ASIC2: variants seen among roughly 807,000 people sequenced by gnomAD.
ASIC2 encodes the protein acid sensing ion channel subunit 2.
A neutral mutation model predicts 57.3 loss-of-function variants in ASIC2; 25 were observed. The observed-to-expected ratio is 0.44, with a 90% confidence interval of 0.32 to 0.61. The LOEUF (loss-of-function observed/expected upper bound fraction) is 0.61. ASIC2 is among the 20% of genes least tolerant of loss of function. The pLI is 0.06. For synonymous variants in ASIC2, 319 were observed against 307.5 expected, an observed-to-expected ratio of 1.04 and a Z score of -0.39; for missense variants, 641 against 738.1, an observed-to-expected ratio of 0.87 and a Z score of 1.52.
At chr17:34,050,259 A>G (rs1230062116) in intron 1 of ASIC2, among the ~76,000 whole-genome samples, 2 of 152,190 alleles carry the variant, frequency 1.3e-5, no homozygotes, top group East Asian at 3.8e-4. Context: ...ATTATTTGTC[A>G]CCACTTCGTG....
At chr17:34,009,655 A>G (rs942521535) in intron 1 of ASIC2, among the ~76,000 whole-genome samples, 1 of 152,208 alleles carries the variant, frequency 6.6e-6, no homozygotes, top group African/African-American at 2.4e-5. Flanking sequence ...GAGGGAAGTA[A>G]GTACCATTTA....
chr17:33,316,192 C>A (rs190150197), intron 1 of ASIC2, among the ~76,000 whole-genome samples: 102 of 152,312 alleles, frequency 6.7e-4, no homozygotes, highest in Admixed American at 1.6e-3. Flanking sequence ...TAGTTTCATA[C>A]TCTCTAATCC....
At chr17:33,829,306 C>T (rs919233684) in intron 1 of ASIC2, among the ~76,000 whole-genome samples, 4 of 152,158 alleles carry the variant, frequency 2.6e-5, no homozygotes, top group Non-Finnish European at 4.4e-5. Context: ...ATTCTGGGAG[C>T]TTTGTCTCTT....
chr17:33,634,138 A>AT (rs139444055), intron 1 of ASIC2, among the ~76,000 whole-genome samples: 45,457 of 152,028 alleles, frequency 0.3, 6,946 homozygotes, highest in East Asian at 0.42. Context: ...CTACTTCTGG[A>AT]TTTCCCATTG....
rs1253158208 is a variant in ASIC2, at chr17:33,680,503, C to T, written c.555+475475G>A. The T allele has an allele frequency of 3.3e-5, 5 of 152,326 alleles. No individual in the cohort carries two copies. The East Asian group carries it at 9.7e-4, about 29-fold the overall frequency. 9.4% of individuals were successfully genotyped at this position (152,326 alleles called of 1,614,324 possible). A position where few individuals can be genotyped will look rare whatever the true frequency, so the allele number is the denominator to read the frequency against. ...AACAAGCTACAGCTACAAAAGACCA[C>T]CTTTATCCCTCTCAAGTTCTCCCAG... is the stretch of plus-strand genomic sequence containing the variant. On this transcript the variant is annotated intron_variant, in intron 1 of 9. Transcript: ENST00000359872.
intron 1 of ASIC2, among the ~76,000 whole-genome samples, chr17:34,013,241 ATGT>A (rs2142023300): frequency 6.6e-6 from 1 of 152,242 alleles, no homozygotes; most frequent in East Asian, 1.9e-4. Context: ...CTGAGACGAG[ATGT>A]TGTCCCTGGG....
intron 1 of ASIC2, among the ~76,000 whole-genome samples, chr17:33,698,727 G>A (rs1242849017): frequency 2.6e-5 from 4 of 152,138 alleles, no homozygotes; most frequent in Admixed American, 2.6e-4. Context: ...ACAATGGTGT[G>A]GCTGCATTGT....
At chr17:33,323,069 C>G (rs958205728) in intron 1 of ASIC2, among the ~76,000 whole-genome samples, 2 of 152,216 alleles carry the variant, frequency 1.3e-5, no homozygotes, top group African/African-American at 4.8e-5. Flanking sequence ...TAACTGAACT[C>G]TCACATGCTG....
At chr17:33,486,167 C>G (rs1913569016) in intron 1 of ASIC2, among the ~76,000 whole-genome samples, 2 of 152,314 alleles carry the variant, frequency 1.3e-5, no homozygotes, top group Admixed American at 1.3e-4. Flanking sequence ...CCAGGAATCC[C>G]CAGACATAAT....
chr17:33,269,671 C>CTTCCTTCA (rs1567805227), intron 1 of ASIC2, among the ~76,000 whole-genome samples: 1 of 72,856 alleles, frequency 1.4e-5, no homozygotes, highest in Non-Finnish European at 3.0e-5. Flanking sequence ...TCCTTCCTTC[C>CTTCCTTCA]TTCCCTCCCT....
At chr17:33,620,254 A>AC (rs1022701166) in intron 1 of ASIC2, among the ~76,000 whole-genome samples, 5 of 151,766 alleles carry the variant, frequency 3.3e-5, no homozygotes, top group Non-Finnish European at 7.4e-5. Context: ...AAAAAAAAAA[A>AC]AAAAAAACAC....
At chr17:33,286,419 G>T (rs895170932) in intron 1 of ASIC2, among the ~76,000 whole-genome samples, 7 of 152,164 alleles carry the variant, frequency 4.6e-5, no homozygotes, top group African/African-American at 1.4e-4. Context: ...AGTGAAAGAA[G>T]TCAGAGTTTT....
At chr17:33,270,773 G>A (rs2142157390) in intron 1 of ASIC2, among the ~76,000 whole-genome samples, 1 of 152,316 alleles carries the variant, frequency 6.6e-6, no homozygotes, top group Admixed American at 6.5e-5. Context: ...CCCTTCTGTA[G>A]TGTGTCTTAC....
intron 1 of ASIC2, among the ~76,000 whole-genome samples, chr17:34,100,266 A>G (rs771405567): frequency 6.6e-6 from 1 of 151,610 alleles, no homozygotes; most frequent in Non-Finnish European, 1.5e-5. Flanking sequence ...AAGTGTTATA[A>G]TAACATGTCA....
chr17:33,354,723 C>T (rs1164163219), intron 1 of ASIC2, among the ~76,000 whole-genome samples: 1 of 152,154 alleles, frequency 6.6e-6, no homozygotes, highest in East Asian at 1.9e-4. Flanking sequence ...CTCAACATCA[C>T]TTTTGCTCCT....
chr17:33,289,293 A>T (rs1201790661), intron 1 of ASIC2, among the ~76,000 whole-genome samples: 6 of 152,160 alleles, frequency 3.9e-5, no homozygotes, highest in African/African-American at 1.4e-4. Context: ...AGTGGGAAGG[A>T]CCTTACTGTC....
intron 1 of ASIC2, among the ~76,000 whole-genome samples, chr17:33,327,298 C>T (rs1007439369): frequency 1.3e-5 from 2 of 152,168 alleles, no homozygotes; most frequent in Non-Finnish European, 2.9e-5. Context: ...ATGTCTTCCT[C>T]CATTGATTCT....
chr17:33,346,005 T>A (rs990014944), intron 1 of ASIC2, among the ~76,000 whole-genome samples: 2 of 151,578 alleles, frequency 1.3e-5, no homozygotes, highest in Non-Finnish European at 2.9e-5. Context: ...GGTAGGAGAA[T>A]CATTTGAGGT....
At chr17:33,108,357 T>C (rs1331564067) in intron 2 of ASIC2, among the ~76,000 whole-genome samples, 1 of 152,158 alleles carries the variant, frequency 6.6e-6, no homozygotes. Context: ...GCCTCCTTCC[T>C]CTGGGGATTG....
Sources: allele counts gnomAD v4.1 joint callset (sites outside exome capture counted in the v4.1 genomes callset), GRCh38; gene constraint gnomAD v4.1.1; transcripts MANE v1.5; gene names NCBI Gene and HGNC (gene_info 2026-07-23, HGNC 2026-07-21).